Variants in ZRANB3 observed in about 807,000 individuals in gnomAD.
The protein encoded by ZRANB3 is zinc finger RANBP2-type containing 3, also known as DNA annealing helicase and endonuclease ZRANB3.
Under a neutral mutation model 133.8 loss-of-function variants are expected in ZRANB3, and 125 were observed. That is an observed-to-expected ratio of 0.93 (90% confidence interval 0.81 to 1.08). The LOEUF (loss-of-function observed/expected upper bound fraction) is 1.08, where lower values mean the gene tolerates loss of function less well. ZRANB3 is among the 50% of genes least tolerant of loss of function. ZRANB3 has a pLI of 0.00. For synonymous variants in ZRANB3, 387 were observed against 432.7 expected (o/e 0.89, Z 1.31); for missense variants, 1,229 against 1,275.5 (o/e 0.96, Z 0.56).
intron 14 of ZRANB3, among the ~76,000 whole-genome samples, chr2:135,225,900 T>C (rs1480965816): frequency 2.6e-5 from 4 of 152,208 alleles, no homozygotes; most frequent in Non-Finnish European, 4.4e-5. Context: ...GAAAGTGTCT[T>C]ACATTGGTTA....
chr2:135,424,011 A>G (rs902801675), intron 2 of ZRANB3, among the ~76,000 whole-genome samples: 2 of 152,194 alleles, frequency 1.3e-5, no homozygotes, highest in African/African-American at 4.8e-5. Context: ...ATGGATCACT[A>G]GACATTTAAG....
intron 8 of ZRANB3, among the ~76,000 whole-genome samples, chr2:135,284,721 G>A (rs1321963967): frequency 2.6e-5 from 4 of 151,966 alleles, no homozygotes; most frequent in South Asian, 4.2e-4. Context: ...TCCACCCACC[G>A]CGGCCTCCCA....
chr2:135,269,215 T>A, intron 10 of ZRANB3, 74 bp from the exon 11 acceptor site: 1 of 1,249,956 alleles, frequency 8.0e-7, no homozygotes, highest in Non-Finnish European at 1.1e-6. Context: ...CTGAACATGT[T>A]AAATGGAGAA....
chr2:135,369,118 A>G (rs1476189205), intron 3 of ZRANB3, among the ~76,000 whole-genome samples: 2 of 152,076 alleles, frequency 1.3e-5, no homozygotes, highest in African/African-American at 4.8e-5. Context: ...TCAGTAGTTG[A>G]TAACTTTGAG....
At chr2:135,434,877 G>A (rs765060884) in intron 2 of ZRANB3, among the ~76,000 whole-genome samples, 1 of 151,896 alleles carries the variant, frequency 6.6e-6, no homozygotes, top group African/African-American at 2.4e-5. Context: ...TTTCTTTGGC[G>A]AAAGATCCTA....
At chr2:135,356,656 C>G (rs1351650161) in intron 3 of ZRANB3, among the ~76,000 whole-genome samples, 1 of 152,066 alleles carries the variant, frequency 6.6e-6, no homozygotes, top group Non-Finnish European at 1.5e-5. Flanking sequence ...TCTAAAATGT[C>G]CATTAGAATC....
chr2:135,334,007 ACT>A (rs1684267053), intron 6 of ZRANB3, among the ~76,000 whole-genome samples: 1 of 152,076 alleles, frequency 6.6e-6, no homozygotes. Context: ...GAAGAACAAG[ACT>A]CTGTATATTA....
intron 2 of ZRANB3, among the ~76,000 whole-genome samples, chr2:135,448,955 C>T (rs1690146821): frequency 6.6e-6 from 1 of 152,190 alleles, no homozygotes; most frequent in Admixed American, 6.5e-5. Context: ...TATGTTTCCT[C>T]CTCTGGAGAT....
intron 2 of ZRANB3, among the ~76,000 whole-genome samples, chr2:135,448,151 G>A (rs952616454): frequency 6.6e-6 from 1 of 152,036 alleles, no homozygotes; most frequent in African/African-American, 2.4e-5. Context: ...CAGGTCTATC[G>A]GGCTTAAGCA....
intron 3 of ZRANB3, among the ~76,000 whole-genome samples, chr2:135,359,404 A>T (rs1344950496): frequency 6.6e-6 from 1 of 151,968 alleles, no homozygotes. Context: ...GGCAACAGAG[A>T]GAGACTCTGT....
chr2:135,453,348 ACATT>A (rs1690357963), intron 2 of ZRANB3, among the ~76,000 whole-genome samples: 1 of 152,224 alleles, frequency 6.6e-6, no homozygotes, highest in Non-Finnish European at 1.5e-5. Flanking sequence ...TTTTGGATTA[ACATT>A]AGGCTCCTTG....
At chr2:135,313,338 G>A (rs2104824395) in intron 8 of ZRANB3, 151 bp downstream of exon 8, 1 of 545,112 alleles carries the variant, frequency 1.8e-6, no homozygotes, top group Non-Finnish European at 3.1e-6. Context: ...GGGTGACAGA[G>A]TGAGGCTCCC....
chr2:135,229,362 C>T (rs1203479150), intron 13 of ZRANB3, among the ~76,000 whole-genome samples: 1 of 150,350 alleles, frequency 6.7e-6, no homozygotes, highest in Non-Finnish European at 1.5e-5. Context: ...TTGTCAATGC[C>T]AATATTTTTT....
At chr2:135,222,898 C>T (rs1694611116) in intron 15 of ZRANB3, among the ~76,000 whole-genome samples, 2 of 151,696 alleles carry the variant, frequency 1.3e-5, no homozygotes, top group Admixed American at 6.6e-5. Flanking sequence ...ACTGTTTGAA[C>T]CCAGGAGTTT....
intron 2 of ZRANB3, among the ~76,000 whole-genome samples, chr2:135,478,567 T>A (rs947861182): frequency 1.3e-5 from 2 of 152,228 alleles, no homozygotes; most frequent in Non-Finnish European, 2.9e-5. Flanking sequence ...ATACACTTAA[T>A]GTATGTATGT....
chr2:135,382,759 G>A (rs1044787200), intron 3 of ZRANB3, among the ~76,000 whole-genome samples: 8 of 152,086 alleles, frequency 5.3e-5, no homozygotes, highest in Non-Finnish European at 7.3e-5. Flanking sequence ...AAGTGAAGGA[G>A]AAATAAAATC....
At chr2:135,395,553 G>A (rs1026943751) in intron 2 of ZRANB3, among the ~76,000 whole-genome samples, 3 of 150,870 alleles carry the variant, frequency 2.0e-5, no homozygotes, top group East Asian at 1.9e-4. Flanking sequence ...TGCCTCCCAC[G>A]TTCAAGCGAT....
At chr2:135,368,462 C>T (rs961685158) in intron 3 of ZRANB3, among the ~76,000 whole-genome samples, 2 of 151,762 alleles carry the variant, frequency 1.3e-5, no homozygotes, top group Non-Finnish European at 2.9e-5. Flanking sequence ...TCATTAAATT[C>T]ATGGTTAACA....
chr2:135,458,293 G>A (rs997051386), intron 2 of ZRANB3, among the ~76,000 whole-genome samples: 7 of 151,926 alleles, frequency 4.6e-5, no homozygotes, highest in Admixed American at 1.3e-4. Flanking sequence ...CTATAGCTAT[G>A]TAGTAGTTTC....
Sources: allele counts gnomAD v4.1 joint callset (sites outside exome capture counted in the v4.1 genomes callset), GRCh38; gene constraint gnomAD v4.1.1; transcripts MANE v1.5; gene names NCBI Gene and HGNC (gene_info 2026-07-23, HGNC 2026-07-21).